The following CNBD1 variants were observed in gnomAD, a reference collection of about 807,000 sequenced individuals.
CNBD1 encodes the protein cyclic nucleotide binding domain containing 1.
In CNBD1, 71 loss-of-function variants were observed where a neutral mutation model predicts 54.4. The observed-to-expected ratio is 1.30, with a 90% CI of 1.08 to 1.59. The LOEUF is 1.59. CNBD1 is among the 40% of genes most tolerant of loss of function. CNBD1 has a pLI of 0.00. For missense variants in CNBD1, 659 were observed against 518.0 expected, an observed-to-expected ratio of 1.27 and a Z score of -2.64; for synonymous variants, 182 against 170.7, an observed-to-expected ratio of 1.07 and a Z score of -0.51.
chr8:87,212,905 G>C (rs1586333343), intron 5 of CNBD1, among the ~76,000 whole-genome samples: 1 of 151,914 alleles, frequency 6.6e-6, no homozygotes. Context: ...GAATCAATAA[G>C]GCAAAAATGC....
At chr8:86,974,388 C>G (rs1018142723) in intron 4 of CNBD1, among the ~76,000 whole-genome samples, 1 of 151,972 alleles carries the variant, frequency 6.6e-6, no homozygotes, top group African/African-American at 2.4e-5. Context: ...CACCCTTATG[C>G]CTGTAGTACC....
intron 4 of CNBD1, among the ~76,000 whole-genome samples, chr8:86,964,052 A>G (rs1357861750): frequency 1.2e-5 from 1 of 84,484 alleles, no homozygotes; most frequent in East Asian, 3.3e-4. Context: ...GGGCCTCCCA[A>G]TCCTATTTTA....
At position 86,940,132 on chromosome 8, in the gene CNBD1, C is replaced by CTTTTTTTTTTTT. The variant is rs10671983; in HGVS notation, c.431+386_431+397dup. On this transcript the variant is annotated intron_variant, in intron 4 of 10. Coordinates refer to ENST00000518476, the MANE Select transcript of CNBD1 (RefSeq NM_173538.3). ...CTTTAAATAAACTTACCACATGTTACTTTTTTTTTTTTTTTTTTTGAGACT... is the reference window on the plus strand; with the variant it reads ...CTTTAAATAAACTTACCACATGTTACTTTTTTTTTTTTTTTTTTTTTTTTTTTTTTTGAGACT... Among the ~76,000 whole-genome samples, 78 of 88,716 alleles carry CTTTTTTTTTTTT rather than the reference C, an allele frequency of 8.8e-4. 1 individual carries two copies. The highest frequency in any genetic ancestry group is 1.5e-3 in the East Asian group (4 of 2,602). 58.2% of individuals were successfully genotyped at this position (88,716 alleles called of 152,430 possible). A position where few individuals can be genotyped will look rare whatever the true frequency, so the allele number is the denominator to read the frequency against.
chr8:87,378,260 TTTC>T (rs1349690971), intron 10 of CNBD1, among the ~76,000 whole-genome samples: 1 of 143,926 alleles, frequency 6.9e-6, no homozygotes, highest in African/African-American at 2.7e-5. Context: ...ATGCCTAGGT[TTTC>T]TTCTAGGGTT....
At chr8:87,381,949 A>G (rs1242538118) in intron 10 of CNBD1, among the ~76,000 whole-genome samples, 1 of 151,966 alleles carries the variant, frequency 6.6e-6, no homozygotes, top group Non-Finnish European at 1.5e-5. Context: ...ATAGTCAACA[A>G]TATTGTATTG....
chr8:86,886,808 C>G (rs1334996928), intron 1 of CNBD1, among the ~76,000 whole-genome samples: 1 of 151,822 alleles, frequency 6.6e-6, no homozygotes, highest in East Asian at 1.9e-4. Context: ...TTTTTTTTTA[C>G]AACAGTTCTA....
chr8:87,326,163 C>T (rs904818646), intron 8 of CNBD1, among the ~76,000 whole-genome samples: 21 of 122,178 alleles, frequency 1.7e-4, no homozygotes, highest in South Asian at 7.5e-4. Flanking sequence ...GGGTTTCTGC[C>T]GAGAGATCCG....
At chr8:87,342,732 G>C (rs370560091) in intron 8 of CNBD1, among the ~76,000 whole-genome samples, 1 of 152,246 alleles carries the variant, frequency 6.6e-6, no homozygotes, top group Non-Finnish European at 1.5e-5. Context: ...ATTTCAGAAG[G>C]GGAGGGGGCA....
intron 4 of CNBD1, among the ~76,000 whole-genome samples, chr8:86,982,961 T>C (rs1755982121): frequency 6.6e-6 from 1 of 152,186 alleles, no homozygotes; most frequent in African/African-American, 2.4e-5. Context: ...TTTTATAACT[T>C]TAAAAGTATG....
At chr8:87,029,559 T>C (rs1032473868) in intron 4 of CNBD1, among the ~76,000 whole-genome samples, 4 of 152,078 alleles carry the variant, frequency 2.6e-5, no homozygotes, top group Non-Finnish European at 5.9e-5. Context: ...AATTGATAAA[T>C]TGCAAGATAA....
At chr8:87,404,730 C>G (rs1374262264) in intron 2 of CNBD1, among the ~76,000 whole-genome samples, 2 of 152,100 alleles carry the variant, frequency 1.3e-5, no homozygotes, top group Non-Finnish European at 2.9e-5. Context: ...CTCATATTCT[C>G]TTTCCAGTAT....
intron 8 of CNBD1, among the ~76,000 whole-genome samples, chr8:87,308,678 A>T (rs1011255344): frequency 6.6e-6 from 1 of 152,120 alleles, no homozygotes; most frequent in African/African-American, 2.4e-5. Context: ...GATTTGGAAC[A>T]CTAGAATTTG....
intron 4 of CNBD1, among the ~76,000 whole-genome samples, chr8:86,956,173 C>G (rs1807763774): frequency 2.6e-5 from 4 of 152,030 alleles, no homozygotes; most frequent in African/African-American, 7.2e-5. Context: ...GGGCTCTGTT[C>G]TGTTCCATTG....
intron 5 of CNBD1, among the ~76,000 whole-genome samples, chr8:87,231,336 G>T (rs1814685637): frequency 6.6e-6 from 1 of 152,040 alleles, no homozygotes; most frequent in Admixed American, 6.6e-5. Context: ...TATATTTCAA[G>T]AATGAGACAG....
chr8:87,124,294 A>T (rs1315992753), intron 4 of CNBD1, among the ~76,000 whole-genome samples: 1 of 151,742 alleles, frequency 6.6e-6, no homozygotes, highest in Non-Finnish European at 1.5e-5. Flanking sequence ...CACACAGCAC[A>T]TTCTCCAGAC....
At chr8:87,320,031 T>A (rs1455512682) in intron 8 of CNBD1, among the ~76,000 whole-genome samples, 1 of 152,064 alleles carries the variant, frequency 6.6e-6, no homozygotes, top group Non-Finnish European at 1.5e-5. Context: ...GAATAATGAA[T>A]TCCAAAATCA....
chr8:86,899,524 TTGAC>T (rs1274812682), intron 2 of CNBD1, among the ~76,000 whole-genome samples: 5 of 152,200 alleles, frequency 3.3e-5, no homozygotes, highest in African/African-American at 1.2e-4. Context: ...TTCTTCAAGT[TTGAC>T]TGGCTATTCC....
intron 8 of CNBD1, among the ~76,000 whole-genome samples, chr8:87,315,136 A>T (rs536386439): frequency 6.6e-6 from 1 of 152,230 alleles, no homozygotes; most frequent in East Asian, 1.9e-4. Flanking sequence ...AAAGAAAAAA[A>T]TGAGAATTTG....
intron 4 of CNBD1, among the ~76,000 whole-genome samples, chr8:87,029,126 G>T (rs1471039998): frequency 6.6e-6 from 1 of 152,144 alleles, no homozygotes; most frequent in African/African-American, 2.4e-5. Flanking sequence ...GGAGAAAAAA[G>T]GAATTATTTG....
Sources: allele counts gnomAD v4.1 joint callset (sites outside exome capture counted in the v4.1 genomes callset), GRCh38; gene constraint gnomAD v4.1.1; transcripts MANE v1.5; gene names NCBI Gene and HGNC (gene_info 2026-07-23, HGNC 2026-07-21).